FANCD2OS: variants seen among roughly 807,000 people sequenced by gnomAD.
FANCD2OS encodes the protein FANCD2 opposite strand.
A neutral mutation model predicts 13.2 loss-of-function variants in FANCD2OS; 11 were observed. That is an observed-to-expected ratio of 0.83 (90% CI 0.52 to 1.38). FANCD2OS has a LOEUF of 1.38. FANCD2OS is among the 40% of genes most tolerant of loss of function. The probability of loss-of-function intolerance (pLI) is 0.00; values close to 1 mark genes in which losing one functional copy is unlikely to be tolerated. For synonymous variants in FANCD2OS, 69 were observed against 84.5 expected, an observed-to-expected ratio of 0.82 and a Z score of 1.01; for missense variants, 217 against 213.9, an observed-to-expected ratio of 1.01 and a Z score of -0.09.
chr3:10,093,953 T>C (rs1694804207), intron 2 of FANCD2OS, among the ~76,000 whole-genome samples: 1 of 152,218 alleles, frequency 6.6e-6, no homozygotes, highest in Non-Finnish European at 1.5e-5. Flanking sequence ...ATATGCTTTC[T>C]CAGCTTTACC....
intron 1 of FANCD2OS, among the ~76,000 whole-genome samples, chr3:10,106,590 C>T (rs926683893): frequency 2.0e-5 from 3 of 152,044 alleles, no homozygotes; most frequent in Admixed American, 6.6e-5. Context: ...CCTTCACCGC[C>T]GTTTGTGAGA....
At chr3:10,101,697 A>G (rs1034476200), downstream of FANCD2OS, 4 of 270,602 alleles carry the variant, frequency 1.5e-5, no homozygotes, top group African/African-American at 2.2e-5. Context: ...TTTGTTCTTA[A>G]AGTGGGGTCT....
At chr3:10,081,862 A>G (rs1281535878) in intron 2 of FANCD2OS, among the ~76,000 whole-genome samples, 2 of 152,180 alleles carry the variant, frequency 1.3e-5, no homozygotes. Flanking sequence ...CATGGCCTTT[A>G]GAGAGATAAC....
chr3:10,085,580 C>T (rs1031642435), intron 2 of FANCD2OS, among the ~76,000 whole-genome samples: 5 of 151,920 alleles, frequency 3.3e-5, no homozygotes, highest in South Asian at 2.1e-4. Context: ...TTAGTAGAGA[C>T]GGGATTTCAC....
intron 2 of FANCD2OS, among the ~76,000 whole-genome samples, chr3:10,091,614 A>G (rs1270467384): frequency 6.6e-6 from 1 of 151,940 alleles, no homozygotes; most frequent in Non-Finnish European, 1.5e-5. Flanking sequence ...GGCTTACCTC[A>G]TGCCAGTTAG....
rs189292826 is a variant in FANCD2OS at position 10,108,237 on chromosome 3, G to T, written c.-231C>A. The T allele has an allele frequency of 4.0e-3, 606 of 152,428 alleles. 17 individuals are homozygous for T. In the South Asian group the frequency reaches 0.058, roughly 15 times the overall value. 9.4% of individuals were successfully genotyped at this position (152,428 alleles called of 1,614,324 possible). A position where few individuals can be genotyped will look rare whatever the true frequency, so the allele number is the denominator to read the frequency against. On this transcript the variant is annotated 5_prime_UTR_variant, in exon 1 of 2. Transcript: ENST00000450660. Reference sequence around the variant, plus strand: ...GCCCAGTCCCACCATCCGGGCCCGGGGCTCACCTGCTGAACTCTGAGGGTC... The same window carrying T: ...GCCCAGTCCCACCATCCGGGCCCGGTGCTCACCTGCTGAACTCTGAGGGTC...
chr3:10,095,339 G>T, intron 2 of FANCD2OS: 1 of 1,250,584 alleles, frequency 8.0e-7, no homozygotes, highest in East Asian at 2.4e-5. Context: ...TGCTATTGGG[G>T]GATCCATGGG....
In FANCD2OS at chr3:10,108,015, C is replaced by T. The variant is rs1695549191; in HGVS notation, c.-9G>A. 6.6e-6 allele frequency: 1 copy of T among 152,362 alleles called. No homozygotes were observed. The highest frequency in any genetic ancestry group is 1.5e-5 in the Non-Finnish European group (1 of 68,132). 9.4% of individuals were successfully genotyped at this position (152,362 alleles called of 1,614,324 possible). ...GAACCCCATCTCTTGATTTCCCCAC[C>T]TGGGAAACAGGGCGTTAGCGCCAAA... On this transcript the variant is annotated splice_region_variant and 5_prime_UTR_variant, in exon 1 of 2. Transcript: ENST00000450660.
chr3:10,101,710 A>T, downstream of FANCD2OS: 1 of 267,280 alleles, frequency 3.7e-6, no homozygotes. Context: ...TGGGGTCTTT[A>T]TTAACTTGTG....
chr3:10,091,596 A>G (rs947987237), intron 2 of FANCD2OS, among the ~76,000 whole-genome samples: 2 of 151,966 alleles, frequency 1.3e-5, no homozygotes, highest in Non-Finnish European at 2.9e-5. Context: ...CAGTATCTCA[A>G]ACAGGCTGGC....
In FANCD2OS at chr3:10,089,346, G is replaced by T. The variant is rs561313038; in HGVS notation, c.*44-7815C>A. ...TATATAGCTTCCACACAACTGCCTT[G>T]CTCCTCCTCATCTAATTCTGATACA... On this transcript the variant is annotated intron_variant, in intron 2 of 2. Transcript: ENST00000524279. Among the ~76,000 whole-genome samples, 6 of 151,850 alleles carry T rather than the reference G, an allele frequency of 4.0e-5. 1 individual carries two copies. The South Asian group carries it at 1.2e-3, about 32-fold the overall frequency.
exon 3 of FANCD2OS, chr3:10,081,498 A>G: frequency 7.1e-7 from 1 of 1,401,350 alleles, no homozygotes; most frequent in East Asian, 2.3e-5. Context: ...AGAACTGAGT[A>G]TATACTTGCT....
At position 10,104,052 on chromosome 3, in the gene FANCD2OS, T is replaced by C; in HGVS notation, c.*189A>G. 3 of 591,880 alleles carry C rather than the reference T, an allele frequency of 5.1e-6. No homozygotes were observed. Among genetic ancestry groups the C allele is most frequent in the Non-Finnish European group, 8.8e-6 (3 of 339,796 alleles). 36.7% of individuals were successfully genotyped at this position (591,880 alleles called of 1,614,324 possible). On this transcript the variant is annotated 3_prime_UTR_variant, in exon 2 of 2. Transcript: ENST00000450660. ...AACCTTACAATGGGAATGTTCTTCC[T>C]TGTTCTCTATCATTGGTCCTTTTTT...
chr3:10,084,739 A>C (rs542710779), intron 2 of FANCD2OS, among the ~76,000 whole-genome samples: 11 of 152,364 alleles, frequency 7.2e-5, no homozygotes, highest in African/African-American at 2.6e-4. Flanking sequence ...ACTGGTGATC[A>C]GGAAGATGCT....
chr3:10,105,771 A>AAAAAAAAAAAAATT (rs1559415162), intron 1 of FANCD2OS, among the ~76,000 whole-genome samples: 3 of 14,058 alleles, frequency 2.1e-4, no homozygotes, highest in East Asian at 1.6e-3. Context: ...AAAAAAAAAA[A>AAAAAAAAAAAAATT]TTATATATAT....
chr3:10,085,902 G>T, intron 2 of FANCD2OS: 4 of 1,612,086 alleles, frequency 2.5e-6, no homozygotes, highest in Non-Finnish European at 3.4e-6. Context: ...AACACAGCCA[G>T]CCTTTGGAGG....
Position 10,104,615 on chromosome 3 carries a change from C to T in FANCD2OS, c.160G>A (p.Glu54Lys). Residue 54 changes from glutamate (E) to lysine (K), a missense_variant, in exon 2 of 2, where the codon GAG becomes AAG. Physicochemically the swap from Glu to Lys is moderately conservative, Grantham distance 56. Transcript: ENST00000450660. Reference protein sequence around the residue: ...SDLEVQLCFQEVTLVLDSPFL... With the variant: ...SDLEVQLCFQKVTLVLDSPFL... Reference sequence around the variant, plus strand: ...GGGCTGTCTAGGACTAGAGTGACCTCTTGAAAGCACAGCTGCACTTCAAGG... The same window carrying T: ...GGGCTGTCTAGGACTAGAGTGACCTTTTGAAAGCACAGCTGCACTTCAAGG... 6.2e-7 allele frequency: 1 copy of T among 1,614,158 alleles called. No homozygotes were observed. Among genetic ancestry groups the T allele is most frequent in the South Asian group, 1.1e-5 (1 of 91,080 alleles).
chr3:10,090,451 T>C, intron 2 of FANCD2OS: 1 of 938,440 alleles, frequency 1.1e-6, no homozygotes, highest in Non-Finnish European at 1.6e-6. Context: ...TGATTTTTTT[T>C]TTTTTTTTTT....
At chr3:10,107,334 C>G (rs144440496) in intron 1 of FANCD2OS, among the ~76,000 whole-genome samples, 4,687 of 151,966 alleles carry the variant, frequency 0.031, 93 homozygotes, top group South Asian at 0.062. Context: ...GTCACTCAGT[C>G]TGGAGTGCAG....
Sources: gnomAD v4.1 joint callset for allele counts (sites outside exome capture counted in the v4.1 genomes callset) on GRCh38, gnomAD v4.1.1 for gene constraint, MANE v1.5 for transcripts, NCBI Gene and HGNC (gene_info 2026-07-23, HGNC 2026-07-21) for gene names.